Variants in DNAAF9 observed in about 807,000 individuals in gnomAD.
DNAAF9 encodes the protein dynein axonemal assembly factor 9.
Under a neutral mutation model 167.0 loss-of-function variants are expected in DNAAF9, and 90 were observed. That is an observed-to-expected ratio of 0.54 (90% CI 0.45 to 0.64). DNAAF9 has a LOEUF of 0.64. Ranked by LOEUF, DNAAF9 falls within the 30% of genes least tolerant of loss-of-function variation. The probability of loss-of-function intolerance (pLI) is 0.00; values close to 1 mark genes in which losing one functional copy is unlikely to be tolerated. For synonymous variants in DNAAF9, 491 were observed against 508.8 expected (o/e 0.96, Z 0.47); for missense variants, 1,315 against 1,442.2 (o/e 0.91, Z 1.43).
At chr20:3,277,826 C>T (rs569223756) in intron 29 of DNAAF9, among the ~76,000 whole-genome samples, 24 of 152,326 alleles carry the variant, frequency 1.6e-4, no homozygotes, top group East Asian at 5.8e-4. Flanking sequence ...ACACATTCCT[C>T]CCTCCAGGGA....
intron 8 of DNAAF9, 110 bp from the exon 9 acceptor site, chr20:3,343,841 G>A (rs576459078): frequency 1.7e-4 from 33 of 199,092 alleles, no homozygotes; most frequent in East Asian, 6.2e-4. Flanking sequence ...AGTGCACAGC[G>A]TGTGTGTGTG....
chr20:3,399,977 T>C (rs2083961499), intron 1 of DNAAF9, among the ~76,000 whole-genome samples: 1 of 152,232 alleles, frequency 6.6e-6, no homozygotes, highest in Admixed American at 6.5e-5. Flanking sequence ...ATTTCATGAA[T>C]TGGTATGCAT....
intron 1 of DNAAF9, among the ~76,000 whole-genome samples, chr20:3,389,752 C>CA (rs1449670299): frequency 6.6e-6 from 1 of 150,406 alleles, no homozygotes; most frequent in Non-Finnish European, 1.5e-5. Flanking sequence ...AAAAGAAAAA[C>CA]AGGCCAGGCA....
chr20:3,266,939 G>A (rs2068501766), intron 30 of DNAAF9, among the ~76,000 whole-genome samples: 1 of 148,600 alleles, frequency 6.7e-6, no homozygotes, highest in Non-Finnish European at 1.5e-5. Flanking sequence ...TGCAAGCTCC[G>A]CCTCCTGGGT....
At chr20:3,310,578 G>A (rs963294399) in intron 20 of DNAAF9, among the ~76,000 whole-genome samples, 13 of 151,860 alleles carry the variant, frequency 8.6e-5, no homozygotes, top group African/African-American at 1.5e-4. Flanking sequence ...CCAGCTACTC[G>A]GGAGGCTGAG....
chr20:3,312,869 C>A (rs182826698), intron 20 of DNAAF9, among the ~76,000 whole-genome samples: 3 of 152,016 alleles, frequency 2.0e-5, no homozygotes, highest in Non-Finnish European at 1.5e-5. Flanking sequence ...CTCAGAAAAC[C>A]ATCTCCTAAT....
chr20:3,295,864 T>C (rs900337862), intron 23 of DNAAF9: 6 of 1,045,930 alleles, frequency 5.7e-6, no homozygotes, highest in African/African-American at 1.6e-5. Flanking sequence ...CGACATCCTT[T>C]AATGTTCTCA....
At chr20:3,327,482 C>T (rs1218652689) in intron 12 of DNAAF9, among the ~76,000 whole-genome samples, 1 of 151,958 alleles carries the variant, frequency 6.6e-6, no homozygotes, top group African/African-American at 2.4e-5. Flanking sequence ...GGGGCTCATC[C>T]AAGGGTCCCT....
At position 3,251,140 on chromosome 20, in the gene DNAAF9, TG is replaced by T. The variant is rs549042073; in HGVS notation, c.*1431del. The T allele has an allele frequency of 5.7e-4, 86 of 151,790 alleles. No individual in the cohort carries two copies. Among genetic ancestry groups the T allele is most frequent in the African/African-American group, 1.3e-3 (54 of 41,412 alleles). 9.4% of individuals were successfully genotyped at this position (151,790 alleles called of 1,614,324 possible). Reference sequence around the variant, plus strand: ...GAGTTTTGTTCATTTGGCTTCAAATTGTTTTTTTTTTTTTTCTAATATATTT... The same window carrying T: ...GAGTTTTGTTCATTTGGCTTCAAATTTTTTTTTTTTTTTTCTAATATATTT... On this transcript the variant is annotated 3_prime_UTR_variant, in exon 37 of 37. Transcript: ENST00000252032.
intron 1 of DNAAF9, among the ~76,000 whole-genome samples, chr20:3,402,406 T>C (rs540458900): frequency 3.3e-5 from 5 of 150,620 alleles, no homozygotes; most frequent in African/African-American, 1.2e-4. Flanking sequence ...ATATCCACTC[T>C]GTTTGCATTT....
chr20:3,264,712 G>T (rs982495438), intron 30 of DNAAF9, among the ~76,000 whole-genome samples, 188 bp from the exon 31 acceptor site: 2 of 152,118 alleles, frequency 1.3e-5, no homozygotes, highest in Non-Finnish European at 2.9e-5. Flanking sequence ...GGGGACTACA[G>T]GCATGTGCCA....
chr20:3,377,774 T>C (rs1294194396), intron 3 of DNAAF9, among the ~76,000 whole-genome samples: 5 of 152,118 alleles, frequency 3.3e-5, no homozygotes, highest in Non-Finnish European at 7.4e-5. Context: ...TCTGTTTTAA[T>C]GTTAATGTTG....
intron 29 of DNAAF9, 77 bp downstream of exon 29, chr20:3,278,835 A>T (rs936859144): frequency 9.4e-7 from 1 of 1,059,042 alleles, no homozygotes; most frequent in Non-Finnish European, 1.5e-6. Context: ...GGTAGGTAAG[A>T]GCACGAAGAA....
At chr20:3,297,091 T>TA (rs2069094278) in intron 22 of DNAAF9, 142 bp from the exon 23 acceptor site, 1 of 629,066 alleles carries the variant, frequency 1.6e-6, no homozygotes, top group Non-Finnish European at 2.8e-6. Context: ...GCTTCAAAAA[T>TA]AGAGGCCTGA....
In DNAAF9 at chr20:3,249,892, G is replaced by A. The variant is rs1206310165; in HGVS notation, c.*2680C>T. 1.3e-5 allele frequency: 2 copies of A among 151,796 alleles called. No homozygotes were observed. The highest frequency in any genetic ancestry group is 6.6e-5 in the Admixed American group (1 of 15,266). 9.4% of individuals were successfully genotyped at this position (151,796 alleles called of 1,614,324 possible). ...GTCAGATAGCCCCCAGGGCTCAGAG[G>A]GGCCGGCTCAACTCCTTGCCAACGG... On this transcript the variant is annotated 3_prime_UTR_variant, in exon 37 of 37. Coordinates refer to ENST00000252032, the MANE Select transcript of DNAAF9 (RefSeq NM_001009984.3).
intron 27 of DNAAF9, among the ~76,000 whole-genome samples, chr20:3,283,093 G>A (rs1184982833): frequency 6.6e-6 from 1 of 152,198 alleles, no homozygotes; most frequent in Non-Finnish European, 1.5e-5. Context: ...GCAGGCCCCT[G>A]GCCACTTCAA....
chr20:3,380,510 G>A (rs1326720569), intron 3 of DNAAF9, among the ~76,000 whole-genome samples: 2 of 152,082 alleles, frequency 1.3e-5, no homozygotes, highest in Non-Finnish European at 2.9e-5. Context: ...CATCATCTCT[G>A]GCCTCTATCC....
chr20:3,358,631 A>C lies in DNAAF9; in HGVS notation c.690+885T>G, dbSNP rs552174025. Among the ~76,000 whole-genome samples, 276 of 152,302 alleles carry C rather than the reference A, an allele frequency of 1.8e-3. 3 individuals are homozygous for C. The highest frequency in any genetic ancestry group is 6.3e-3 in the African/African-American group (263 of 41,556). On this transcript the variant is annotated intron_variant, in intron 7 of 36. Transcript: ENST00000252032. ...TTCAAACCTTCCGTTCTTTCAAGGA[A>C]AGACAATTTTTGAAACTGTATCTTT...
At chr20:3,264,551 G>C in intron 30 of DNAAF9, 27 bp from the exon 31 acceptor site, 2 of 1,064,520 alleles carry the variant, frequency 1.9e-6, no homozygotes, top group Non-Finnish European at 2.9e-6. Context: ...AAAAGACCTA[G>C]ATTAATTAGG....
Sources: allele counts gnomAD v4.1 joint callset (sites outside exome capture counted in the v4.1 genomes callset), GRCh38; gene constraint gnomAD v4.1.1; transcripts MANE v1.5; gene names NCBI Gene and HGNC (gene_info 2026-07-23, HGNC 2026-07-21).